Variants in TENM4 observed in about 807,000 individuals in gnomAD.
The protein encoded by TENM4 is teneurin-4.
In TENM4, 82 loss-of-function variants were observed where a neutral mutation model predicts 243.3. The observed-to-expected ratio is 0.34, with a 90% CI of 0.28 to 0.40. The LOEUF (loss-of-function observed/expected upper bound fraction) is 0.40, where lower values mean the gene tolerates loss of function less well. Among genes scored for constraint, TENM4 ranks in the 10% least tolerant of loss-of-function variants. The probability of loss-of-function intolerance (pLI) is 1.00; values close to 1 mark genes in which losing one functional copy is unlikely to be tolerated. For missense variants in TENM4, 3,138 were observed against 3,673.3 expected, an observed-to-expected ratio of 0.85 and a Z score of 3.77; for synonymous variants, 1,412 against 1,456.3, an observed-to-expected ratio of 0.97 and a Z score of 0.69.
At chr11:78,842,847 A>G (rs946769232) in intron 12 of TENM4, among the ~76,000 whole-genome samples, 6 of 152,180 alleles carry the variant, frequency 3.9e-5, no homozygotes, top group Non-Finnish European at 8.8e-5. Flanking sequence ...GGCAGAAAAT[A>G]TTTGCTTCAT....
intron 6 of TENM4, among the ~76,000 whole-genome samples, chr11:78,910,247 C>T (rs745505724): frequency 6.6e-6 from 1 of 152,160 alleles, no homozygotes; most frequent in Admixed American, 6.5e-5. Context: ...CTAATGATGA[C>T]CCAAGCATAC....
intron 2 of TENM4, among the ~76,000 whole-genome samples, chr11:79,282,931 A>G (rs1356405469): frequency 6.6e-6 from 1 of 152,128 alleles, no homozygotes; most frequent in East Asian, 1.9e-4. Flanking sequence ...CCCTGCCCGT[A>G]AGGAAATTTT....
chr11:79,222,014 G>A (rs1323671568), intron 2 of TENM4, among the ~76,000 whole-genome samples: 3 of 152,090 alleles, frequency 2.0e-5, no homozygotes, highest in Non-Finnish European at 4.4e-5. Flanking sequence ...ACACACGAGT[G>A]GTCCTCAACA....
At position 78,779,032 on chromosome 11, in the gene TENM4, C is replaced by T. The variant is rs554721260; in HGVS notation, c.2366-404G>A. On this transcript the variant is annotated intron_variant, in intron 16 of 33. Transcript: ENST00000278550. Reference sequence around the variant, plus strand: ...CTACTCAGAGCAGCATCCAACCTCCCTACAGGTGAAGCAGCCATAACAAGA... The same window carrying T: ...CTACTCAGAGCAGCATCCAACCTCCTTACAGGTGAAGCAGCCATAACAAGA... 4.6e-5 allele frequency among the ~76,000 whole-genome samples: 7 copies of T among 152,362 alleles called. No individual in the cohort carries two copies. The East Asian group carries it at 1.3e-3, about 29-fold the overall frequency.
chr11:79,062,128 A>C (rs1440460295), intron 6 of TENM4, among the ~76,000 whole-genome samples: 1 of 151,676 alleles, frequency 6.6e-6, no homozygotes, highest in Non-Finnish European at 1.5e-5. Context: ...TGCCTGGCTA[A>C]TTTTTGTATT....
chr11:78,825,206 G>A lies in TENM4; in HGVS notation c.1682-10811C>T, dbSNP rs117408255. ...CGGTCTAGGTCTGAATTCCAACCGTGTGACTTCTGAGGGTGTGATTTGGAG... is the reference window on the plus strand; with the variant it reads ...CGGTCTAGGTCTGAATTCCAACCGTATGACTTCTGAGGGTGTGATTTGGAG... On this transcript the variant is annotated intron_variant, in intron 12 of 33. Coordinates refer to ENST00000278550, the MANE Select transcript of TENM4 (RefSeq NM_001098816.3). 3.5e-3 allele frequency among the ~76,000 whole-genome samples: 530 copies of A among 152,314 alleles called. 9 individuals are homozygous for A. Among genetic ancestry groups the A allele is most frequent in the East Asian group, 0.032 (165 of 5,186 alleles).
chr11:79,220,163 C>T (rs1230654054), intron 2 of TENM4, among the ~76,000 whole-genome samples: 4 of 152,232 alleles, frequency 2.6e-5, no homozygotes, highest in Admixed American at 2.6e-4. Context: ...GCCCAGAGGG[C>T]TCCTAATGCA....
At chr11:79,120,036 G>A (rs1861709102) in intron 4 of TENM4, among the ~76,000 whole-genome samples, 1 of 152,218 alleles carries the variant, frequency 6.6e-6, no homozygotes, top group East Asian at 1.9e-4. Context: ...ACCCTTGATA[G>A]AAGCCAGACG....
At chr11:79,265,908 A>G (rs888228662) in intron 2 of TENM4, among the ~76,000 whole-genome samples, 2 of 152,136 alleles carry the variant, frequency 1.3e-5, no homozygotes, top group Non-Finnish European at 2.9e-5. Flanking sequence ...CCTCCCACAA[A>G]GATTTCCTCT....
intron 2 of TENM4, among the ~76,000 whole-genome samples, chr11:79,248,633 T>C (rs954742729): frequency 7.9e-5 from 12 of 152,326 alleles, no homozygotes; most frequent in African/African-American, 2.9e-4. Context: ...ATACTATTTT[T>C]AAAAAACCAT....
At chr11:79,200,373 T>C (rs1490696374) in intron 3 of TENM4, among the ~76,000 whole-genome samples, 1 of 152,316 alleles carries the variant, frequency 6.6e-6, no homozygotes, top group East Asian at 1.9e-4. Flanking sequence ...ATCTCCACTT[T>C]TAAAAGTCCA....
At chr11:79,031,287 C>A (rs1450554778) in intron 6 of TENM4, among the ~76,000 whole-genome samples, 2 of 152,072 alleles carry the variant, frequency 1.3e-5, no homozygotes, top group Admixed American at 6.5e-5. Flanking sequence ...GGGGAGATAC[C>A]CAATTTTCAG....
chr11:78,970,710 T>C (rs73502634), intron 6 of TENM4, among the ~76,000 whole-genome samples: 15,834 of 152,182 alleles, frequency 0.1, 1,430 homozygotes, highest in African/African-American at 0.24. Flanking sequence ...CAGCAGTAGC[T>C]GTAGTCTACA....
intron 3 of TENM4, among the ~76,000 whole-genome samples, chr11:79,169,061 T>A (rs1216477137): frequency 6.6e-6 from 1 of 152,156 alleles, no homozygotes; most frequent in African/African-American, 2.4e-5. Context: ...TTCCTAACTT[T>A]AAAACTGGAA....
chr11:79,403,805 G>A (rs538632652), intron 1 of TENM4, among the ~76,000 whole-genome samples: 5 of 152,246 alleles, frequency 3.3e-5, no homozygotes, highest in East Asian at 1.9e-4. Context: ...CAAAAAATCC[G>A]GGGGGTTGAG....
chr11:79,031,016 T>G (rs577299920), intron 6 of TENM4, among the ~76,000 whole-genome samples: 1 of 152,128 alleles, frequency 6.6e-6, no homozygotes, highest in Non-Finnish European at 1.5e-5. Flanking sequence ...AAGGGACATA[T>G]ATGTGGGTGA....
Position 79,070,138 on chromosome 11 carries a change from C to G in TENM4, c.-65-129G>C, listed in dbSNP as rs955964687. Reference sequence around the variant, plus strand: ...AGGCAGTGGAGGAGAGGGTACCGCTCCACCACTACGCAGCCCATAAGTGGC... The same window carrying G: ...AGGCAGTGGAGGAGAGGGTACCGCTGCACCACTACGCAGCCCATAAGTGGC... On this transcript the variant is annotated intron_variant, in intron 4 of 33. Transcript: ENST00000278550. 25 of 1,166,856 alleles carry G rather than the reference C, an allele frequency of 2.1e-5. No homozygotes were observed. In the African/African-American group the frequency reaches 3.7e-4, roughly 17 times the overall value. 72.3% of individuals were successfully genotyped at this position (1,166,856 alleles called of 1,614,324 possible). A position where few individuals can be genotyped will look rare whatever the true frequency, so the allele number is the denominator to read the frequency against.
chr11:79,302,682 C>CT (rs1364335930), intron 1 of TENM4, among the ~76,000 whole-genome samples: 1 of 152,204 alleles, frequency 6.6e-6, no homozygotes, highest in Non-Finnish European at 1.5e-5. Context: ...CATCTCTTCC[C>CT]TGTTCCCTGA....
chr11:79,036,813 C>A (rs1263440790), intron 6 of TENM4, among the ~76,000 whole-genome samples: 1 of 151,934 alleles, frequency 6.6e-6, no homozygotes. Context: ...AGATCAAGAC[C>A]ATCCTGGCTA....
Sources: allele counts gnomAD v4.1 joint callset (sites outside exome capture counted in the v4.1 genomes callset), GRCh38; gene constraint gnomAD v4.1.1; transcripts MANE v1.5; gene names NCBI Gene and HGNC (gene_info 2026-07-23, HGNC 2026-07-21).